The following NVL variants were observed in gnomAD, a reference collection of about 807,000 sequenced individuals.
NVL encodes the protein nuclear VCP like.
In NVL, 84 loss-of-function variants were observed where a neutral mutation model predicts 110.2. The ratio of observed to expected loss-of-function variants is 0.76; its 90% CI spans 0.64 to 0.91. The LOEUF (loss-of-function observed/expected upper bound fraction) is 0.91, where lower values mean the gene tolerates loss of function less well. Among genes scored for constraint, NVL ranks in the 40% least tolerant of loss-of-function variants. The pLI is 0.00. For missense variants in NVL, 882 were observed against 1,035.9 expected (o/e 0.85, Z 2.04); for synonymous variants, 354 against 361.1 (o/e 0.98, Z 0.22).
intron 4 of NVL, 144 bp downstream of exon 4, chr1:224,317,550 A>C (rs1460449315): frequency 1.7e-6 from 1 of 603,440 alleles, no homozygotes; most frequent in Non-Finnish European, 2.9e-6. Flanking sequence ...TTGGGGAATA[A>C]AGAACATTCA....
intron 21 of NVL, among the ~76,000 whole-genome samples, chr1:224,231,634 T>C (rs1659883468): frequency 6.6e-6 from 1 of 152,140 alleles, no homozygotes. Context: ...TAGGATTCCA[T>C]AGTATTAATA....
intron 18 of NVL, among the ~76,000 whole-genome samples, chr1:224,256,323 G>C (rs1490960851): frequency 6.6e-6 from 1 of 151,136 alleles, no homozygotes; most frequent in Non-Finnish European, 1.5e-5. Flanking sequence ...TACTCGGGAG[G>C]CTAAGGCAGG....
chr1:224,330,088 T>C lies in NVL; in HGVS notation c.40A>G (p.Lys14Glu). Residue 14 changes from lysine to glutamate, a missense_variant, in exon 1 of 23, where the codon AAG becomes GAG. Transcript: ENST00000281701. ...RPAGFVDNKL[K>E]QRVIQYLTSN... ...ATACACACCTGGATGACTCGCTGCT[T>C]GAGTTTATTATCCACGAACCCTGCA... The C allele has an allele frequency of 6.2e-7, 1 of 1,613,950 alleles. No individual in the cohort carries two copies. The highest frequency in any genetic ancestry group is 2.2e-5 in the East Asian group (1 of 44,858).
At chr1:224,312,833 A>C (rs955829277) in intron 4 of NVL, 1 of 151,386 alleles carries the variant, frequency 6.6e-6, no homozygotes, top group African/African-American at 2.4e-5. Flanking sequence ...AAAAAAAAAA[A>C]AACTATTTAA....
intron 2 of NVL, among the ~76,000 whole-genome samples, chr1:224,322,864 G>T (rs1670792709): frequency 6.6e-6 from 1 of 152,082 alleles, no homozygotes; most frequent in African/African-American, 2.4e-5. Flanking sequence ...TGAGGCAGGA[G>T]AATCGCTTGA....
intron 1 of NVL, among the ~76,000 whole-genome samples, 193 bp downstream of exon 1, chr1:224,329,878 T>C (rs1223371686): frequency 2.0e-5 from 3 of 152,120 alleles, no homozygotes; most frequent in African/African-American, 7.2e-5. Context: ...GGCTTCTCCC[T>C]GAGACTCCGC....
intron 4 of NVL, among the ~76,000 whole-genome samples, chr1:224,312,297 T>C (rs1669600107): frequency 1.3e-5 from 2 of 152,084 alleles, no homozygotes; most frequent in African/African-American, 2.4e-5. Flanking sequence ...GTACTCTGAG[T>C]AACAAATTCA....
intron 16 of NVL, among the ~76,000 whole-genome samples, chr1:224,280,387 T>C (rs1036800660): frequency 6.6e-5 from 10 of 152,150 alleles, no homozygotes; most frequent in Non-Finnish European, 1.5e-4. Context: ...GGCCCTTCAA[T>C]GTCTGGCTAT....
intron 18 of NVL, 56 bp downstream of exon 18, chr1:224,267,978 A>T: frequency 1.7e-6 from 2 of 1,188,452 alleles, no homozygotes; most frequent in Non-Finnish European, 2.5e-6. Context: ...AATCTCTTCT[A>T]CGGAAATGCT....
At chr1:224,324,464 C>T (rs1342836141) in intron 2 of NVL, among the ~76,000 whole-genome samples, 1 of 152,174 alleles carries the variant, frequency 6.6e-6, no homozygotes, top group Non-Finnish European at 1.5e-5. Context: ...GGGTCTTGCT[C>T]TGTTACCCAG....
At chr1:224,249,045 T>C (rs1445068102) in intron 19 of NVL, among the ~76,000 whole-genome samples, 1 of 152,174 alleles carries the variant, frequency 6.6e-6, no homozygotes, top group African/African-American at 2.4e-5. Flanking sequence ...CCCAAGGCTA[T>C]AGAAATGTAG....
intron 4 of NVL, among the ~76,000 whole-genome samples, chr1:224,315,004 T>C (rs1217227972): frequency 6.6e-6 from 1 of 151,044 alleles, no homozygotes; most frequent in African/African-American, 2.4e-5. Context: ...AGAGTGAGAC[T>C]CCATCTCAAA....
chr1:224,320,258 C>T (rs1248498070), intron 2 of NVL, among the ~76,000 whole-genome samples: 1 of 152,016 alleles, frequency 6.6e-6, no homozygotes, highest in Non-Finnish European at 1.5e-5. Context: ...TAATAAAAGC[C>T]TTTGTCCTTA....
At chr1:224,281,952 CAAA>C (rs528565412) in intron 15 of NVL, among the ~76,000 whole-genome samples, 3 of 59,226 alleles carry the variant, frequency 5.1e-5, no homozygotes, top group Non-Finnish European at 1.1e-4. Context: ...GACTCTGTCT[CAAA>C]AAAAAAAAAA....
rs113386071 is a variant in NVL, at chr1:224,242,884, G to A, written c.2290-6302C>T. On this transcript the variant is annotated intron_variant, in intron 19 of 22. Transcript: ENST00000281701. The stretch of plus-strand genomic sequence containing the variant: ...CCTGTTGCCCAGGCTGGAGTGCAAC[G>A]GCGCGATCTTGGCTCACTGCAACCT... 8.3e-3 allele frequency among the ~76,000 whole-genome samples: 1,183 copies of A among 142,892 alleles called. 15 individuals carry two copies. Among genetic ancestry groups the A allele is most frequent in the African/African-American group, 0.028 (1,078 of 38,424 alleles). The allele number at this position is 142,892 out of a possible 152,430, so 93.7% of individuals were successfully genotyped here.
At chr1:224,231,514 G>A (rs936135277) in intron 21 of NVL, among the ~76,000 whole-genome samples, 1 of 152,148 alleles carries the variant, frequency 6.6e-6, no homozygotes, top group Non-Finnish European at 1.5e-5. Flanking sequence ...CCACTCATAA[G>A]TTGGTAACTT....
At chr1:224,228,032 CT>C (rs1221963583) in intron 22 of NVL, 1 of 153,974 alleles carries the variant, frequency 6.5e-6, no homozygotes, top group Non-Finnish European at 1.4e-5. Flanking sequence ...AAATTTTCCA[CT>C]TTTTAAGCCA....
At chr1:224,274,126 C>T (rs1162515729) in intron 17 of NVL, among the ~76,000 whole-genome samples, 1 of 151,024 alleles carries the variant, frequency 6.6e-6, no homozygotes, top group Admixed American at 6.6e-5. Context: ...TCTGTCTCTA[C>T]TAAAAACTAC....
At position 224,257,570 on chromosome 1, in the gene NVL, G is replaced by A. The variant is rs185575274; in HGVS notation, c.2183-7252C>T. ...TGGAGACAGGGTCTCACTCTGTAGC[G>A]CAGGCTGGAGTGCAGTGGTGTATCA... On this transcript the variant is annotated intron_variant, in intron 18 of 22. Coordinates refer to ENST00000281701, the MANE Select transcript of NVL (RefSeq NM_002533.4). 3.3e-5 allele frequency among the ~76,000 whole-genome samples: 5 copies of A among 152,028 alleles called. No individual in the cohort carries two copies. The East Asian group carries it at 5.8e-4, about 18-fold the overall frequency.
Sources: gnomAD v4.1 joint callset for allele counts (sites outside exome capture counted in the v4.1 genomes callset) on GRCh38, gnomAD v4.1.1 for gene constraint, MANE v1.5 for transcripts, NCBI Gene and HGNC (gene_info 2026-07-23, HGNC 2026-07-21) for gene names.